The following SUPT3H variants were observed in gnomAD, a reference collection of about 807,000 sequenced individuals.
SUPT3H encodes the protein transcription initiation protein SPT3 homolog.
In SUPT3H, 44 loss-of-function variants were observed where a neutral mutation model predicts 44.3. The observed-to-expected ratio is 0.99, with a 90% CI of 0.78 to 1.28. The LOEUF is 1.28. Among genes scored for constraint, SUPT3H ranks in the 50% most tolerant of loss-of-function variants. The pLI is 0.00. For missense variants in SUPT3H, 380 were observed against 387.1 expected, an observed-to-expected ratio of 0.98 and a Z score of 0.15; for synonymous variants, 124 against 125.6, an observed-to-expected ratio of 0.99 and a Z score of 0.09.
intron 6 of SUPT3H, among the ~76,000 whole-genome samples, chr6:44,982,598 T>G (rs1268690684): frequency 6.6e-6 from 1 of 152,164 alleles, no homozygotes; most frequent in Non-Finnish European, 1.5e-5. Context: ...TTCAAAACTA[T>G]GAGTGTGTTA....
chr6:45,055,334 T>C (rs893024126), intron 3 of SUPT3H, among the ~76,000 whole-genome samples: 1 of 152,118 alleles, frequency 6.6e-6, no homozygotes, highest in Non-Finnish European at 1.5e-5. Context: ...AAATTTCATA[T>C]GGAACCAAAA....
chr6:45,363,010 GTTT>G (rs1303018357), intron 2 of SUPT3H, among the ~76,000 whole-genome samples: 1 of 151,694 alleles, frequency 6.6e-6, no homozygotes, highest in Non-Finnish European at 1.5e-5. Flanking sequence ...AGGTACATAG[GTTT>G]TTTATTTTTA....
intron 3 of SUPT3H, among the ~76,000 whole-genome samples, chr6:45,053,849 A>G (rs1450169693): frequency 6.7e-6 from 1 of 148,690 alleles, no homozygotes; most frequent in East Asian, 2.0e-4. Flanking sequence ...CAGGAGGCAG[A>G]GCTTGCAGTG....
intron 10 of SUPT3H, among the ~76,000 whole-genome samples, chr6:44,905,178 A>G (rs1028075947): frequency 6.6e-5 from 10 of 152,146 alleles, no homozygotes; most frequent in African/African-American, 2.4e-4. Flanking sequence ...ATGGGATCTA[A>G]TTAAACTAAA....
At chr6:45,298,083 A>G (rs1781574841) in intron 2 of SUPT3H, among the ~76,000 whole-genome samples, 1 of 152,228 alleles carries the variant, frequency 6.6e-6, no homozygotes, top group Non-Finnish European at 1.5e-5. Context: ...CAGTTCTCAC[A>G]ATGAAGTTCA....
chr6:44,840,583 A>T lies in SUPT3H; in HGVS notation c.913-10726T>A, dbSNP rs575335469. On this transcript the variant is annotated intron_variant, in intron 10 of 10. Coordinates refer to ENST00000371459, the MANE Select transcript of SUPT3H (RefSeq NM_003599.4). ...AAGAAACTCCTACTCGGGTGTGAAC[A>T]TCCTACTTCTAGTGGGATTTTGTTT... Among the ~76,000 whole-genome samples the T allele has an allele frequency of 3.3e-5, 5 of 152,366 alleles. No individual in the cohort carries two copies. In the East Asian group the frequency reaches 7.7e-4, roughly 23 times the overall value.
At chr6:45,308,764 A>G (rs889401039) in intron 2 of SUPT3H, among the ~76,000 whole-genome samples, 1 of 152,044 alleles carries the variant, frequency 6.6e-6, no homozygotes, top group East Asian at 1.9e-4. Flanking sequence ...TTTAAAAAAA[A>G]AAAAGTCAAA....
At chr6:44,956,485 A>AAAAAAT (rs1775219607) in intron 7 of SUPT3H, among the ~76,000 whole-genome samples, 1 of 8,190 alleles carries the variant, frequency 1.2e-4, no homozygotes, top group Non-Finnish European at 5.9e-4. Context: ...AAAAAAAAAT[A>AAAAAAT]AAAAAAAAAA....
chr6:45,030,433 G>T (rs939500143), intron 3 of SUPT3H, among the ~76,000 whole-genome samples: 2 of 152,106 alleles, frequency 1.3e-5, no homozygotes, highest in Non-Finnish European at 2.9e-5. Flanking sequence ...TACTGAACGG[G>T]TTGTAGCCCT....
At chr6:45,089,508 G>A (rs935434480) in intron 3 of SUPT3H, among the ~76,000 whole-genome samples, 1 of 151,922 alleles carries the variant, frequency 6.6e-6, no homozygotes, top group Non-Finnish European at 1.5e-5. Context: ...TCAAATTCAT[G>A]TCTAAAACCA....
intron 7 of SUPT3H, among the ~76,000 whole-genome samples, chr6:44,957,496 T>C (rs1457527670): frequency 6.6e-6 from 1 of 152,120 alleles, no homozygotes; most frequent in Admixed American, 6.5e-5. Context: ...TTTGGCAAGA[T>C]CAATGAGATG....
chr6:44,924,804 T>C (rs1213363974), intron 10 of SUPT3H, among the ~76,000 whole-genome samples: 1 of 152,100 alleles, frequency 6.6e-6, no homozygotes, highest in African/African-American at 2.4e-5. Flanking sequence ...TCTGTAATAA[T>C]AGATTTAGTA....
chr6:45,193,829 T>C (rs1461581148), intron 2 of SUPT3H, among the ~76,000 whole-genome samples: 2 of 152,198 alleles, frequency 1.3e-5, no homozygotes, highest in Non-Finnish European at 2.9e-5. Context: ...AAGATTGCAA[T>C]ACAGAATTCT....
chr6:45,161,503 C>G (rs1808963673), intron 2 of SUPT3H, among the ~76,000 whole-genome samples: 1 of 152,174 alleles, frequency 6.6e-6, no homozygotes, highest in Non-Finnish European at 1.5e-5. Flanking sequence ...TGCATTTTCT[C>G]TTCTCTACAA....
chr6:45,043,668 A>G (rs1029520413), intron 3 of SUPT3H, among the ~76,000 whole-genome samples: 1 of 152,210 alleles, frequency 6.6e-6, no homozygotes, highest in African/African-American at 2.4e-5. Flanking sequence ...CAAGGAGCTT[A>G]TTCTACTATG....
intron 5 of SUPT3H, among the ~76,000 whole-genome samples, chr6:45,008,942 T>C (rs1783089326): frequency 6.6e-6 from 1 of 152,152 alleles, no homozygotes; most frequent in Non-Finnish European, 1.5e-5. Flanking sequence ...GGTTTTACTA[T>C]GTTGGCCAGG....
intron 10 of SUPT3H, among the ~76,000 whole-genome samples, chr6:44,899,649 T>C (rs1272042810): frequency 6.6e-6 from 1 of 152,172 alleles, no homozygotes; most frequent in Non-Finnish European, 1.5e-5. Context: ...ACCATGCCAC[T>C]GCGCTCCAAC....
intron 2 of SUPT3H, among the ~76,000 whole-genome samples, chr6:45,245,153 C>A (rs1197995812): frequency 6.6e-6 from 1 of 152,012 alleles, no homozygotes; most frequent in Non-Finnish European, 1.5e-5. Flanking sequence ...TCAGATATTT[C>A]ACATGTTTTT....
In SUPT3H at chr6:45,236,158, C is replaced by T. The variant is rs561673908; in HGVS notation, c.101+129043G>A. The stretch of plus-strand genomic sequence containing the variant: ...GTGAGTCCCGATTTCCCACTCCACA[C>T]GCTATATTTGTGCATATGTCTTTAA... On this transcript the variant is annotated intron_variant, in intron 2 of 10. Coordinates refer to ENST00000371459, the MANE Select transcript of SUPT3H (RefSeq NM_003599.4). Among the ~76,000 whole-genome samples, 969 of 152,278 alleles carry T rather than the reference C, an allele frequency of 6.4e-3. 10 individuals carry two copies. The highest frequency in any genetic ancestry group is 7.2e-3 in the Non-Finnish European group (493 of 68,034).
Sources: gnomAD v4.1 joint callset for allele counts (sites outside exome capture counted in the v4.1 genomes callset) on GRCh38, gnomAD v4.1.1 for gene constraint, MANE v1.5 for transcripts, NCBI Gene and HGNC (gene_info 2026-07-23, HGNC 2026-07-21) for gene names.